The following CD34 variants were observed in gnomAD, a reference collection of about 807,000 sequenced individuals.
The protein encoded by CD34 is CD34 molecule.
CD34 carries 34 observed loss-of-function variants against 40.1 expected under a neutral mutation model. That is an observed-to-expected ratio of 0.85 (90% CI 0.65 to 1.13). CD34 has a LOEUF of 1.13. Among genes scored for constraint, CD34 ranks in the 50% most tolerant of loss-of-function variants. The probability of loss-of-function intolerance (pLI) is 0.00; values close to 1 mark genes in which losing one functional copy is unlikely to be tolerated. For missense variants in CD34, 426 were observed against 466.9 expected (o/e 0.91, Z 0.81); for synonymous variants, 209 against 190.0 (o/e 1.10, Z -0.82).
intron 3 of CD34, 87 bp downstream of exon 3, chr1:207,898,886 G>T: frequency 7.3e-7 from 1 of 1,376,876 alleles, no homozygotes; most frequent in Non-Finnish European, 1.0e-6. Context: ...TGGCAGGGAT[G>T]AGGAGAGGGG....
At chr1:207,900,027 A>G in intron 1 of CD34, 24 bp from the exon 2 acceptor site, 1 of 1,573,996 alleles carries the variant, frequency 6.4e-7, no homozygotes, top group Non-Finnish European at 8.6e-7. Context: ...AGGAGGAAGA[A>G]TCAGAACCTA....
chr1:207,898,031 TTTTATTTATTTATTTATTTA>T, intron 3 of CD34, among the ~76,000 whole-genome samples: 1 of 143,462 alleles, frequency 7.0e-6, no homozygotes, highest in South Asian at 2.3e-4. Context: ...ATTTTGGCTC[TTTTATTTATTTATTTATTTA>T]TTTATTTATT....
intron 1 of CD34, among the ~76,000 whole-genome samples, chr1:207,903,642 T>A (rs1420590693): frequency 1.3e-5 from 2 of 152,210 alleles, no homozygotes; most frequent in African/African-American, 4.8e-5. Flanking sequence ...TGTCACAAAA[T>A]TCATGTAGTA....
At chr1:207,892,947 C>A (rs1038061500) in intron 4 of CD34, among the ~76,000 whole-genome samples, 1 of 152,166 alleles carries the variant, frequency 6.6e-6, no homozygotes, top group Admixed American at 6.5e-5. Flanking sequence ...GGAATAATAG[C>A]GGCCAGCCTC....
rs1184419668 is a variant in CD34 at position 207,889,392 on chromosome 1, C to T, written c.754+73G>A. Reference sequence around the variant, plus strand: ...TGTGGTCTCTCTGGATCTAAGATGCCCCATCTCCACCCAGGATTCTCTAAC... The same window carrying T: ...TGTGGTCTCTCTGGATCTAAGATGCTCCATCTCCACCCAGGATTCTCTAAC... On this transcript the variant is annotated intron_variant, in intron 5 of 7. Coordinates refer to ENST00000310833, the MANE Select transcript of CD34 (RefSeq NM_001025109.2). 3.9e-6 allele frequency: 6 copies of T among 1,539,538 alleles called. No homozygotes were observed. The African/African-American group carries it at 4.1e-5, about 11-fold the overall frequency.
chr1:207,902,682 G>C (rs1431284216), intron 1 of CD34, among the ~76,000 whole-genome samples: 1 of 152,182 alleles, frequency 6.6e-6, no homozygotes, highest in African/African-American at 2.4e-5. Context: ...AGGAAGCTGG[G>C]CCTGACTGAG....
chr1:207,900,787 T>C (rs1571775983), intron 1 of CD34, among the ~76,000 whole-genome samples: 1 of 152,198 alleles, frequency 6.6e-6, no homozygotes, highest in Non-Finnish European at 1.5e-5. Context: ...TAACTAACCA[T>C]GTAATTTAAT....
intron 1 of CD34, among the ~76,000 whole-genome samples, chr1:207,906,610 C>A (rs1270707104): frequency 6.6e-6 from 1 of 152,050 alleles, no homozygotes; most frequent in South Asian, 2.1e-4. Flanking sequence ...TTTGGGAGGC[C>A]GATGTGGGTG....
chr1:207,902,962 C>G (rs1269268217), intron 1 of CD34, among the ~76,000 whole-genome samples: 1 of 152,196 alleles, frequency 6.6e-6, no homozygotes, highest in Non-Finnish European at 1.5e-5. Flanking sequence ...GGGACCCCAA[C>G]TTCAGAGTCA....
chr1:207,888,208 G>A, intron 7 of CD34: 1 of 1,415,288 alleles, frequency 7.1e-7, no homozygotes, highest in African/African-American at 1.4e-5. Context: ...GTTCCAAGAA[G>A]GGTGGGATGA....
chr1:207,907,228 C>T (rs1662400435), intron 1 of CD34, among the ~76,000 whole-genome samples: 1 of 152,068 alleles, frequency 6.6e-6, no homozygotes, highest in Non-Finnish European at 1.5e-5. Flanking sequence ...GCTAATGAAG[C>T]CATGTATTAA....
Position 207,887,407 on chromosome 1 carries a change from G to A in CD34, c.*331C>T. On this transcript the variant is annotated 3_prime_UTR_variant, in exon 8 of 8. Transcript: ENST00000310833. ...TTCCCCTGGGGGTTCCTGTATTGCG[G>A]CAGAGAGGAGGGGGTAGGGGAAGGG... is the stretch of plus-strand genomic sequence containing the variant. 3.8e-6 allele frequency: 1 copy of A among 260,018 alleles called. No homozygotes were observed. The highest frequency in any genetic ancestry group is 7.3e-6 in the Non-Finnish European group (1 of 137,474). The allele number at this position is 260,018 out of a possible 1,614,324, so 16.1% of individuals were successfully genotyped here.
rs747817465 is a variant in CD34 at position 207,889,489 on chromosome 1, G to A, written c.730C>T (p.Leu244=). 5 of 1,613,742 alleles carry A rather than the reference G, an allele frequency of 3.1e-6. No individual in the cohort carries two copies. Among genetic ancestry groups the A allele is most frequent in the Admixed American group, 3.3e-5 (2 of 59,960 alleles). Residue 244 remains leucine, a synonymous_variant, in exon 5 of 8, where the codon CTG becomes TTG. Transcript: ENST00000310833. ...AQSEVRPQCL[L]LVLANRTEIS... ...CCTGTTCTGTTGGCCAAGACCAGCA[G>A]TAGACACTGAGGCCTCACCTCAGAC...
chr1:207,903,853 C>T (rs904314822), intron 1 of CD34, among the ~76,000 whole-genome samples: 1 of 152,188 alleles, frequency 6.6e-6, no homozygotes, highest in Non-Finnish European at 1.5e-5. Flanking sequence ...AGTATGAAAA[C>T]TCACACCAGT....
At chr1:207,895,310 C>A (rs567607527) in intron 4 of CD34, among the ~76,000 whole-genome samples, 1 of 152,222 alleles carries the variant, frequency 6.6e-6, no homozygotes, top group South Asian at 2.1e-4. Flanking sequence ...TGGGGAGTAG[C>A]AGGAGGCTTT....
chr1:207,902,119 G>A (rs2102303950), intron 1 of CD34, among the ~76,000 whole-genome samples: 1 of 152,290 alleles, frequency 6.6e-6, no homozygotes, highest in East Asian at 1.9e-4. Flanking sequence ...GCTATTAATG[G>A]TGACTGCAGC....
intron 1 of CD34, among the ~76,000 whole-genome samples, chr1:207,908,342 T>C (rs1662428782): frequency 6.6e-6 from 1 of 152,222 alleles, no homozygotes; most frequent in South Asian, 2.1e-4. Context: ...TGGTGCCAAC[T>C]GGGTTGGGTC....
chr1:207,898,960 C>T lies in CD34; in HGVS notation c.516+13G>A, dbSNP rs62620011. ...TGAGGGGCAATCTGCCATTTTTGGCCCAATTCACCCACCTTGATGTCACTT... is the reference window on the plus strand; with the variant it reads ...TGAGGGGCAATCTGCCATTTTTGGCTCAATTCACCCACCTTGATGTCACTT... On this transcript the variant is annotated intron_variant, in intron 3 of 7. Transcript: ENST00000310833. The T allele has an allele frequency of 0.02, 31,832 of 1,613,014 alleles. 419 individuals carry two copies. Among genetic ancestry groups the T allele is most frequent in the Admixed American group, 0.059 (3,507 of 59,936 alleles).
chr1:207,911,082 CT>C lies in CD34; in HGVS notation c.-3del. On this transcript the variant is annotated 5_prime_UTR_variant, in exon 1 of 8. Coordinates refer to ENST00000310833, the MANE Select transcript of CD34 (RefSeq NM_001025109.2). ...GCGCGCGCCCCTGCGGACCAGCATC[CT>C]TCCCGCGCGGCTCCTAGAGAGACGC... is the stretch of plus-strand genomic sequence containing the variant. The C allele has an allele frequency of 6.3e-7, 1 of 1,575,946 alleles. No individual in the cohort carries two copies. The highest frequency in any genetic ancestry group is 2.3e-5 in the East Asian group (1 of 43,468).
Sources: allele counts gnomAD v4.1 joint callset (sites outside exome capture counted in the v4.1 genomes callset), GRCh38; gene constraint gnomAD v4.1.1; transcripts MANE v1.5; gene names NCBI Gene and HGNC (gene_info 2026-07-23, HGNC 2026-07-21).